The following DENND2A variants were observed in gnomAD, a reference collection of about 807,000 sequenced individuals.
DENND2A encodes DENN domain containing 2A.
A neutral mutation model predicts 105.3 loss-of-function variants in DENND2A; 53 were observed. The observed-to-expected ratio is 0.50, with a 90% CI of 0.40 to 0.63. The LOEUF is 0.63. DENND2A is among the 30% of genes least tolerant of loss of function. The pLI, the probability that DENND2A is intolerant of heterozygous loss-of-function variation, is 0.00. For synonymous variants in DENND2A, 522 were observed against 508.4 expected, an observed-to-expected ratio of 1.03 and a Z score of -0.36; for missense variants, 1,138 against 1,279.6, an observed-to-expected ratio of 0.89 and a Z score of 1.69.
At chr7:140,564,280 CAAAAA>C (rs142073371) in intron 9 of DENND2A, among the ~76,000 whole-genome samples, 1 of 128,388 alleles carries the variant, frequency 7.8e-6, no homozygotes, top group African/African-American at 2.7e-5. Context: ...GAGACTGTGT[CAAAAA>C]AAAAAAAAAA....
intron 2 of DENND2A, among the ~76,000 whole-genome samples, chr7:140,603,053 G>A (rs1799574280): frequency 6.6e-6 from 1 of 152,116 alleles, no homozygotes; most frequent in South Asian, 2.1e-4. Flanking sequence ...GGGAGGCCGA[G>A]GCGGGTGGAT....
At chr7:140,541,190 GTCTC>G (rs1199565641) in intron 14 of DENND2A, among the ~76,000 whole-genome samples, 1 of 152,032 alleles carries the variant, frequency 6.6e-6, no homozygotes, top group Non-Finnish European at 1.5e-5. Context: ...TAGAGACAGA[GTCTC>G]TCTCTGTCAC....
At chr7:140,608,502 C>T (rs1799773623) in intron 1 of DENND2A, among the ~76,000 whole-genome samples, 1 of 151,944 alleles carries the variant, frequency 6.6e-6, no homozygotes. Context: ...CATGGCAAAA[C>T]ATCGTCTCTA....
At chr7:140,598,192 C>A (rs1273951670) in intron 3 of DENND2A, among the ~76,000 whole-genome samples, 1 of 152,046 alleles carries the variant, frequency 6.6e-6, no homozygotes, top group Non-Finnish European at 1.5e-5. Context: ...AATATAAATT[C>A]AATATGAATG....
intron 14 of DENND2A, among the ~76,000 whole-genome samples, chr7:140,528,584 ACAT>A (rs1293688689): frequency 7.7e-4 from 117 of 151,874 alleles, no homozygotes; most frequent in Non-Finnish European, 2.6e-4. Flanking sequence ...AGCCTGGCTA[ACAT>A]GGTGAAATTC....
Position 140,546,914 on chromosome 7 carries a change from C to A in DENND2A, c.2063G>T (p.Arg688Leu). The A allele has an allele frequency of 1.9e-6, 3 of 1,613,470 alleles. No homozygotes were observed. The African/African-American group carries it at 4.0e-5, about 22-fold the overall frequency. ...SRILDEVEKR[R>L]GISPALVQPL... ...CTGAACCAGGGCAGGAGAGATGCCT[C>A]GTCTTTTTTCCACCTCATCCAAGAT... is the stretch of plus-strand genomic sequence containing the variant. The change falls in exon 13 of 20, where the codon CGA becomes CTA. Residue 688 changes from arginine to leucine, a missense_variant. Physicochemically the swap from Arg to Leu is moderately radical, Grantham distance 102 (BLOSUM62 -2). Around this residue, in one of 2 missense-constraint regions of DENND2A, gnomAD observed 627 missense variants for 779.8 expected, o/e 0.80. Coordinates refer to ENST00000496613, the MANE Select transcript of DENND2A (RefSeq NM_015689.5).
Position 140,601,824 on chromosome 7 carries a change from G to C in DENND2A, c.574C>G (p.Pro192Ala). The C allele has an allele frequency of 1.2e-6, 2 of 1,614,172 alleles. No individual in the cohort carries two copies. The highest frequency in any genetic ancestry group is 2.2e-5 in the South Asian group (2 of 91,086). Reference sequence around the variant, plus strand: ...GTGGACCCTGCCTCTGCCTTGTCAGGAGGGCAGTGTGGGGAGTAACAAGTC... The same window carrying C: ...GTGGACCCTGCCTCTGCCTTGTCAGCAGGGCAGTGTGGGGAGTAACAAGTC... Reference protein sequence around the residue: ...PGTCYSPHCPPDKAEAGSTLP... With the variant: ...PGTCYSPHCPADKAEAGSTLP... The change falls in exon 3 of 20, where the codon CCT (proline) becomes GCT (alanine). Residue 192 changes from proline (P) to alanine (A), a missense_variant. Pro to Ala is a conservative substitution (Grantham distance 27). Around this residue, in one of 2 missense-constraint regions of DENND2A, gnomAD observed 511 missense variants for 499.9 expected, o/e 1.02. Transcript: ENST00000496613.
At chr7:140,635,971 C>G (rs1800915494) in intron 1 of DENND2A, among the ~76,000 whole-genome samples, 1 of 152,206 alleles carries the variant, frequency 6.6e-6, no homozygotes. Context: ...GAACTTAGCT[C>G]ATCACTTGCC....
At chr7:140,588,766 CTTTT>C (rs34456581) in intron 3 of DENND2A, among the ~76,000 whole-genome samples, 2 of 136,844 alleles carry the variant, frequency 1.5e-5, no homozygotes, top group Non-Finnish European at 3.1e-5. Flanking sequence ...TTTTTTGGCA[CTTTT>C]TTTTTTTTTT....
chr7:140,531,874 G>A (rs1305570040), intron 14 of DENND2A, among the ~76,000 whole-genome samples: 1 of 151,588 alleles, frequency 6.6e-6, no homozygotes, highest in African/African-American at 2.4e-5. Flanking sequence ...TGGTGGGGGC[G>A]GGTGGGAAGG....
intron 5 of DENND2A, among the ~76,000 whole-genome samples, chr7:140,582,057 C>A (rs551870437): frequency 6.6e-6 from 1 of 152,146 alleles, no homozygotes; most frequent in East Asian, 1.9e-4. Context: ...CTCTGCCCCC[C>A]AGGTTCAAGT....
At chr7:140,520,302 G>A (rs1393141295) in intron 18 of DENND2A, among the ~76,000 whole-genome samples, 6 of 148,178 alleles carry the variant, frequency 4.0e-5, no homozygotes, top group South Asian at 4.3e-4. Flanking sequence ...GTGAAACTCC[G>A]TCGCAAAAAA....
At chr7:140,567,720 G>A (rs1305870545) in intron 8 of DENND2A, among the ~76,000 whole-genome samples, 1 of 152,120 alleles carries the variant, frequency 6.6e-6, no homozygotes, top group Non-Finnish European at 1.5e-5. Context: ...CAGACTATAG[G>A]GCTTTTGGAG....
At chr7:140,574,573 C>T (rs1450309572) in intron 5 of DENND2A, among the ~76,000 whole-genome samples, 2 of 152,170 alleles carry the variant, frequency 1.3e-5, no homozygotes, top group Non-Finnish European at 2.9e-5. Context: ...CAAGACGTTA[C>T]AGCTGAGGCT....
At chr7:140,570,470 T>C (rs681892) in intron 6 of DENND2A, among the ~76,000 whole-genome samples, 80,381 of 152,104 alleles carry the variant, frequency 0.53, 24,110 homozygotes, top group African/African-American at 0.82. Context: ...TCATGGGAAC[T>C]ATTCCAAAGA....
intron 12 of DENND2A, among the ~76,000 whole-genome samples, chr7:140,551,058 T>C (rs1797114342): frequency 6.6e-6 from 1 of 151,504 alleles, no homozygotes; most frequent in Non-Finnish European, 1.5e-5. Context: ...CCCAGCACTT[T>C]GGGATGCCGA....
chr7:140,524,548 A>T (rs1795977128), intron 16 of DENND2A, among the ~76,000 whole-genome samples: 1 of 151,948 alleles, frequency 6.6e-6, no homozygotes, highest in African/African-American at 2.4e-5. Flanking sequence ...GCACACACGT[A>T]TATACATATT....
At chr7:140,588,093 TAGAGACAA>T (rs1798862624) in intron 3 of DENND2A, among the ~76,000 whole-genome samples, 2 of 152,082 alleles carry the variant, frequency 1.3e-5, no homozygotes, top group Admixed American at 1.3e-4. Flanking sequence ...GTATTTTTAG[TAGAGACAA>T]AGTTTCACTG....
At chr7:140,582,348 G>C (rs553897729) in intron 5 of DENND2A, among the ~76,000 whole-genome samples, 1 of 152,272 alleles carries the variant, frequency 6.6e-6, no homozygotes, top group East Asian at 1.9e-4. Context: ...ACCCAGAGGG[G>C]ACAGACCAGG....
Sources: allele counts gnomAD v4.1 joint callset (sites outside exome capture counted in the v4.1 genomes callset), GRCh38; gene constraint gnomAD v4.1.1; regional missense constraint gnomAD v4.1.1; transcripts MANE v1.5; gene names NCBI Gene and HGNC (gene_info 2026-07-23, HGNC 2026-07-21).